The following TRMT1L variants were observed in gnomAD, a reference collection of about 807,000 sequenced individuals.
TRMT1L encodes the protein tRNA (guanine(27)-N(2))-dimethyltransferase.
Under a neutral mutation model 81.6 loss-of-function variants are expected in TRMT1L, and 28 were observed. The ratio of observed to expected loss-of-function variants is 0.34; its 90% CI spans 0.25 to 0.47. The LOEUF (loss-of-function observed/expected upper bound fraction) is 0.47. Among genes scored for constraint, TRMT1L ranks in the 20% least tolerant of loss-of-function variants. TRMT1L has a pLI of 1.00. For synonymous variants in TRMT1L, 301 were observed against 303.2 expected (o/e 0.99, Z 0.07); for missense variants, 739 against 877.1 (o/e 0.84, Z 1.99).
chr1:185,146,784 G>T (rs976601072), intron 4 of TRMT1L, among the ~76,000 whole-genome samples: 1 of 151,994 alleles, frequency 6.6e-6, no homozygotes, highest in Non-Finnish European at 1.5e-5. Context: ...AACTCAAAAG[G>T]AAGGACATGG....
At chr1:185,155,657 T>C (rs1279737127) in intron 1 of TRMT1L, among the ~76,000 whole-genome samples, 1 of 152,242 alleles carries the variant, frequency 6.6e-6, no homozygotes, top group Non-Finnish European at 1.5e-5. Flanking sequence ...ACAAACTAAA[T>C]GTTAAAAGAA....
intron 2 of TRMT1L, 118 bp downstream of exon 2, chr1:185,151,707 C>A: frequency 1.8e-6 from 1 of 545,174 alleles, no homozygotes; most frequent in African/African-American, 2.0e-5. Flanking sequence ...TGTATTTTAC[C>A]ACTGTTCTAG....
chr1:185,147,962 C>A (rs539590316), intron 3 of TRMT1L, among the ~76,000 whole-genome samples: 1 of 152,246 alleles, frequency 6.6e-6, no homozygotes, highest in African/African-American at 2.4e-5. Context: ...TACATTAGGT[C>A]TCTTTACTTT....
At chr1:185,145,343 T>C (rs1289640844) in intron 5 of TRMT1L, 96 bp downstream of exon 5, 2 of 1,351,592 alleles carry the variant, frequency 1.5e-6, no homozygotes, top group Non-Finnish European at 2.0e-6. Flanking sequence ...TTTGGTTAAA[T>C]CAGCATTATT....
intron 7 of TRMT1L, among the ~76,000 whole-genome samples, chr1:185,141,735 G>A (rs1322646): frequency 0.51 from 77,613 of 151,898 alleles, 21,406 homozygotes; most frequent in African/African-American, 0.74. Context: ...GTATGGTGAA[G>A]AATACTGAGA....
At chr1:185,124,059 G>A (rs1652562361) in intron 12 of TRMT1L, 140 bp from the exon 13 acceptor site, 1 of 528,198 alleles carries the variant, frequency 1.9e-6, no homozygotes. Context: ...AAACTGAACT[G>A]CAAAAATTAC....
chr1:185,136,994 TA>T (rs5779243), intron 10 of TRMT1L, among the ~76,000 whole-genome samples: 2 of 150,602 alleles, frequency 1.3e-5, no homozygotes, highest in Non-Finnish European at 1.5e-5. Flanking sequence ...CAACACAGAT[TA>T]AAAAAAAAGT....
intron 2 of TRMT1L, among the ~76,000 whole-genome samples, chr1:185,151,597 A>G (rs927322972): frequency 6.6e-6 from 1 of 152,300 alleles, no homozygotes; most frequent in Admixed American, 6.5e-5. Context: ...GACAGCCCCT[A>G]GACATCCGTG....
chr1:185,156,504 G>A lies in TRMT1L; in HGVS notation c.209C>T (p.Ala70Val). 3 of 1,613,916 alleles carry A rather than the reference G, an allele frequency of 1.9e-6. No individual in the cohort carries two copies. Among genetic ancestry groups the A allele is most frequent in the Admixed American group, 1.7e-5 (1 of 60,018 alleles). ...AQAPALSPSLASAPEEAKSKR... is the reference protein window; with the variant it reads ...AQAPALSPSLVSAPEEAKSKR... ...GCTTTTAGCCTCCTCAGGGGCAGAG[G>A]CTAGGGACGGGGACAGGGCCGGAGC... Residue 70 changes from alanine (A) to valine (V), a missense_variant, in exon 1 of 15, where the codon GCC becomes GTC. Ala to Val is a moderately conservative substitution (Grantham distance 64). Coordinates refer to ENST00000367506, the MANE Select transcript of TRMT1L (RefSeq NM_030934.5).
chr1:185,150,402 C>T lies in TRMT1L; in HGVS notation c.437G>A (p.Trp146Ter). 1 of 1,613,206 alleles carries T rather than the reference C, an allele frequency of 6.2e-7. No homozygotes were observed. Among genetic ancestry groups the T allele is most frequent in the Non-Finnish European group, 8.5e-7 (1 of 1,179,576 alleles). The change falls in exon 3 of 15, where the codon TGG (tryptophan) becomes TAG (stop). Residue 146 changes from tryptophan to a stop codon, truncating the protein, a stop_gained. Coordinates refer to ENST00000367506, the MANE Select transcript of TRMT1L (RefSeq NM_030934.5). LOFTEE classifies it high-confidence loss of function. ...KLRRHLQNLH[W>*]KVSVEFEGYR... is the part of the protein sequence containing the mutation. ...ACCTTCAAATTCAACTGAGACTTTC[C>T]AGTGTAAATTCTGGAGGTGACGACG...
intron 10 of TRMT1L, among the ~76,000 whole-genome samples, chr1:185,132,308 A>T (rs896755556): frequency 5.9e-5 from 9 of 152,116 alleles, no homozygotes; most frequent in African/African-American, 2.2e-4. Context: ...ACTTGAGGTC[A>T]GGAGTTCCAG....
intron 3 of TRMT1L, among the ~76,000 whole-genome samples, chr1:185,149,185 T>C (rs1453913868): frequency 6.6e-6 from 1 of 152,188 alleles, no homozygotes; most frequent in Non-Finnish European, 1.5e-5. Flanking sequence ...TATTTCATGG[T>C]ATGTATATAC....
At chr1:185,149,779 G>A (rs1403181168) in intron 3 of TRMT1L, among the ~76,000 whole-genome samples, 1 of 152,078 alleles carries the variant, frequency 6.6e-6, no homozygotes, top group African/African-American at 2.4e-5. Flanking sequence ...AAAAGTTCTT[G>A]TTTTCTGTCC....
intron 13 of TRMT1L, 154 bp from the exon 14 acceptor site, chr1:185,120,663 C>T (rs1172427655): frequency 1.5e-6 from 1 of 661,762 alleles, no homozygotes; most frequent in African/African-American, 1.9e-5. Flanking sequence ...TTTCACGGTC[C>T]TTCACTTATG....
intron 12 of TRMT1L, 197 bp downstream of exon 12, chr1:185,124,747 C>T (rs1294971864): frequency 2.5e-6 from 1 of 400,430 alleles, no homozygotes; most frequent in Admixed American, 4.2e-5. Context: ...ACCTATTCAT[C>T]TCAGGCCTGA....
Position 185,120,382 on chromosome 1 carries a change from C to T in TRMT1L, c.1949+1G>A. 1.3e-6 allele frequency: 2 copies of T among 1,553,822 alleles called. No homozygotes were observed. Among genetic ancestry groups the T allele is most frequent in the Non-Finnish European group, 1.7e-6 (2 of 1,154,088 alleles). On this transcript the variant is annotated splice_donor_variant, in intron 14 of 14. Coordinates refer to ENST00000367506, the MANE Select transcript of TRMT1L (RefSeq NM_030934.5). LOFTEE classifies it high-confidence loss of function. ...ACTTTGTCATTCACTGGGTGTCTTA[C>T]TTTGGCATATTCATTCCTTTAATGC...
intron 10 of TRMT1L, among the ~76,000 whole-genome samples, chr1:185,136,767 C>T (rs1338383236): frequency 6.6e-6 from 1 of 152,000 alleles, no homozygotes; most frequent in African/African-American, 2.4e-5. Flanking sequence ...GAAGAAATAT[C>T]CAACCACTGG....
At chr1:185,136,419 AT>A (rs1233625282) in intron 10 of TRMT1L, among the ~76,000 whole-genome samples, 2 of 152,180 alleles carry the variant, frequency 1.3e-5, no homozygotes, top group East Asian at 1.9e-4. Flanking sequence ...CTGAAAAAAA[AT>A]AAAAAAATAG....
chr1:185,125,060 G>A lies in TRMT1L; in HGVS notation c.1643C>T (p.Ser548Phe), dbSNP rs1438516870. 1 of 1,612,406 alleles carries A rather than the reference G, an allele frequency of 6.2e-7. No homozygotes were observed. Among genetic ancestry groups the A allele is most frequent in the Admixed American group, 1.7e-5 (1 of 59,984 alleles). The change falls in exon 12 of 15, where the codon TCT becomes TTT. Residue 548 changes from serine (S) to phenylalanine (F), a missense_variant. Around this residue, in one of 4 missense-constraint regions of TRMT1L, gnomAD observed 196 missense variants for 232.6 expected, o/e 0.84. Transcript: ENST00000367506. Reference sequence around the variant, plus strand: ...AATGTCATCCAAACCATGGTGAAGAGATTCAAATAGCATTCTTTTGAGGAA... The same window carrying A: ...AATGTCATCCAAACCATGGTGAAGAAATTCAAATAGCATTCTTTTGAGGAA... ...TGFLKRMLFESLHHGLDDIQT... is the reference protein window; with the variant it reads ...TGFLKRMLFEFLHHGLDDIQT...
Sources: gnomAD v4.1 joint callset for allele counts (sites outside exome capture counted in the v4.1 genomes callset) on GRCh38, gnomAD v4.1.1 for gene constraint, gnomAD v4.1.1 regional missense constraint, MANE v1.5 for transcripts, NCBI Gene and HGNC (gene_info 2026-07-23, HGNC 2026-07-21) for gene names.